SASH1: variants seen among roughly 807,000 people sequenced by gnomAD.
SASH1 encodes SAM and SH3 domain containing 1.
SASH1 carries 44 observed loss-of-function variants against 125.2 expected under a neutral mutation model. That is an observed-to-expected ratio of 0.35 (90% CI 0.28 to 0.45). The LOEUF (loss-of-function observed/expected upper bound fraction) is 0.45. Among genes scored for constraint, SASH1 ranks in the 20% least tolerant of loss-of-function variants. The probability of loss-of-function intolerance (pLI) is 1.00; values close to 1 mark genes in which losing one functional copy is unlikely to be tolerated. For synonymous variants in SASH1, 639 were observed against 649.1 expected, an observed-to-expected ratio of 0.98 and a Z score of 0.24; for missense variants, 1,426 against 1,614.5, an observed-to-expected ratio of 0.88 and a Z score of 2.00.
intron 2 of SASH1, among the ~76,000 whole-genome samples, chr6:148,390,746 C>T (rs935308861): frequency 6.6e-6 from 1 of 151,626 alleles, no homozygotes; most frequent in African/African-American, 2.4e-5. Context: ...CAAGATCACG[C>T]CACTGCACTC....
chr6:148,305,904 A>G (rs1780117319), intron 1 of SASH1, among the ~76,000 whole-genome samples: 2 of 152,158 alleles, frequency 1.3e-5, no homozygotes, highest in African/African-American at 4.8e-5. Context: ...TTTTAGAATA[A>G]CTCAGGGAGT....
the SASH1 span, among the ~76,000 whole-genome samples, chr6:148,214,663 A>G: frequency 1.3e-5 from 2 of 152,172 alleles, no homozygotes; most frequent in East Asian, 1.9e-4. Context: ...CCTAAATACA[A>G]CTGAGCCCCA....
chr6:148,300,721 G>A (rs7763852), intron 1 of SASH1, among the ~76,000 whole-genome samples: 32,141 of 151,950 alleles, frequency 0.21, 3,567 homozygotes, highest in South Asian at 0.29. Flanking sequence ...GACCTCAGGT[G>A]ATCTGCCTGC....
intron 4 of SASH1, among the ~76,000 whole-genome samples, chr6:148,464,537 G>T (rs1403451250): frequency 6.6e-6 from 1 of 152,184 alleles, no homozygotes; most frequent in Non-Finnish European, 1.5e-5. Context: ...CCTCTTTGGA[G>T]CTGACGTCTG....
Position 148,527,477 on chromosome 6 carries a change from A to T in SASH1, c.1309A>T (p.Lys437Ter). 6.2e-7 allele frequency: 1 copy of T among 1,606,968 alleles called. No individual in the cohort carries two copies. Among genetic ancestry groups the T allele is most frequent in the Middle Eastern group, 1.7e-4 (1 of 6,048 alleles). Reference sequence around the variant, plus strand: ...GGGTAAAGAAGGAGACTTTGTGTACAAAGAAGTCATCAAATCACCTACTGC... The same window carrying T: ...GGGTAAAGAAGGAGACTTTGTGTACTAAGAAGTCATCAAATCACCTACTGC... ...PMGKEGDFVY[K>*]EVIKSPTASR... is the part of the protein sequence containing the mutation. Residue 437 changes from lysine to a stop codon, truncating the protein, a stop_gained, in exon 12 of 20, where the codon AAA (lysine) becomes TAA (stop). Coordinates refer to ENST00000367467, the MANE Select transcript of SASH1 (RefSeq NM_015278.5). LOFTEE classifies it high-confidence loss of function.
chr6:148,326,352 A>C (rs1215222146), intron 1 of SASH1, among the ~76,000 whole-genome samples: 1 of 82,940 alleles, frequency 1.2e-5, no homozygotes, highest in African/African-American at 4.7e-5. Context: ...ATATATATAT[A>C]TATATGCATA....
At chr6:148,269,684 A>G (rs1779018533), upstream of SASH1, among the ~76,000 whole-genome samples, 1 of 152,078 alleles carries the variant, frequency 6.6e-6, no homozygotes, top group Admixed American at 6.5e-5. Flanking sequence ...TTTGATTTTA[A>G]TTACCTCCGT....
At chr6:148,394,987 C>T (rs1472583239) in intron 2 of SASH1, among the ~76,000 whole-genome samples, 4 of 152,052 alleles carry the variant, frequency 2.6e-5, no homozygotes, top group South Asian at 2.1e-4. Context: ...AAGCTGAGTG[C>T]GAGATGGCTT....
chr6:148,203,798 C>T, the SASH1 span, among the ~76,000 whole-genome samples: 1 of 152,200 alleles, frequency 6.6e-6, no homozygotes, highest in Middle Eastern at 3.2e-3. Flanking sequence ...CAGAAACCTA[C>T]ATAGCAGTCC....
chr6:148,362,586 G>T (rs1319422610), intron 1 of SASH1, among the ~76,000 whole-genome samples: 2 of 151,644 alleles, frequency 1.3e-5, no homozygotes, highest in Non-Finnish European at 2.9e-5. Context: ...GAGGGTGAGG[G>T]TGTGGTCGTA....
chr6:148,440,844 TAAAAC>T, intron 4 of SASH1: 1 of 166,036 alleles, frequency 6.0e-6, no homozygotes, highest in Non-Finnish European at 1.3e-5. Context: ...TAGGTGACCT[TAAAAC>T]AACAGTGAAT....
chr6:148,510,102 T>C (rs1447418936), intron 8 of SASH1, among the ~76,000 whole-genome samples: 3 of 152,226 alleles, frequency 2.0e-5, no homozygotes, highest in Non-Finnish European at 4.4e-5. Flanking sequence ...GTCTGCAATC[T>C]GATGTAATGT....
intron 1 of SASH1, among the ~76,000 whole-genome samples, chr6:148,380,839 A>C (rs1783101182): frequency 1.3e-5 from 2 of 152,208 alleles, no homozygotes; most frequent in Admixed American, 6.5e-5. Context: ...ACAAGTTCTC[A>C]TGACTTAACC....
At chr6:148,226,829 G>A in the SASH1 span, among the ~76,000 whole-genome samples, 1 of 152,122 alleles carries the variant, frequency 6.6e-6, no homozygotes, top group Admixed American at 6.6e-5. Context: ...GGAAGCTGGG[G>A]TCCTACCTCA....
the SASH1 span, among the ~76,000 whole-genome samples, chr6:148,214,804 G>A: frequency 2.0e-5 from 3 of 152,178 alleles, no homozygotes; most frequent in Non-Finnish European, 4.4e-5. Context: ...ATTTCATGCC[G>A]TTATTACCAA....
chr6:148,214,496 G>A, the SASH1 span, among the ~76,000 whole-genome samples: 1 of 152,042 alleles, frequency 6.6e-6, no homozygotes, highest in East Asian at 1.9e-4. Flanking sequence ...ACCCCATAGA[G>A]GAGCTTCAAG....
At chr6:148,542,055 T>TC (rs1323419341) in intron 17 of SASH1, among the ~76,000 whole-genome samples, 2 of 152,276 alleles carry the variant, frequency 1.3e-5, no homozygotes, top group Admixed American at 1.3e-4. Context: ...GGAAATTAAT[T>TC]CCCCCAACTG....
chr6:148,369,465 C>T (rs1265057455), intron 1 of SASH1, among the ~76,000 whole-genome samples: 2 of 152,084 alleles, frequency 1.3e-5, no homozygotes, highest in Admixed American at 6.6e-5. Flanking sequence ...TAAGAGTAAT[C>T]GTTATGGAGT....
At chr6:148,280,814 A>G (rs1286080871) in intron 1 of SASH1, among the ~76,000 whole-genome samples, 1 of 152,174 alleles carries the variant, frequency 6.6e-6, no homozygotes, top group Non-Finnish European at 1.5e-5. Context: ...TCTCACAACA[A>G]CAACAACAAA....
Sources: gnomAD v4.1 joint callset for allele counts (sites outside exome capture counted in the v4.1 genomes callset) on GRCh38, gnomAD v4.1.1 for gene constraint, MANE v1.5 for transcripts, NCBI Gene and HGNC (gene_info 2026-07-23, HGNC 2026-07-21) for gene names.